The following C19orf84 variants were observed in gnomAD, a reference collection of about 807,000 sequenced individuals.
C19orf84 encodes piRNA-mediated silencing protein C19orf84.
Under a neutral mutation model 4.0 loss-of-function variants are expected in C19orf84, and 1 was observed. That is an observed-to-expected ratio of 0.25 (90% confidence interval 0.09 to 1.19). The LOEUF (loss-of-function observed/expected upper bound fraction) is 1.19. Ranked by LOEUF, C19orf84 falls within the 50% of genes most tolerant of loss-of-function variation. The pLI, the probability that C19orf84 is intolerant of heterozygous loss-of-function variation, is 0.50. For missense variants in C19orf84, 224 were observed against 246.8 expected, an observed-to-expected ratio of 0.91 and a Z score of 0.62; for synonymous variants, 123 against 109.6, an observed-to-expected ratio of 1.12 and a Z score of -0.76.
Position 51,390,482 on chromosome 19 carries a change from C to G in C19orf84, c.31G>C (p.Glu11Gln). The change falls in exon 1 of 2, where the codon GAA (glutamate) becomes CAA (glutamine). Residue 11 changes from glutamate to glutamine, a missense_variant. Physicochemically the swap from Glu to Gln is conservative, Grantham distance 29. Transcript: ENST00000574814. Reference protein sequence around the residue: MEQPKDGAGPEGNNLSLPSSG... With the variant: MEQPKDGAGPQGNNLSLPSSG... ...GGAGGTCTTTGTTTGTCTCACCCTT[C>G]AGGCCCAGCCCCGTCCTTTGGTTGT... 1 of 1,533,512 alleles carries G rather than the reference C, an allele frequency of 6.5e-7. No homozygotes were observed. Among genetic ancestry groups the G allele is most frequent in the Non-Finnish European group, 8.7e-7 (1 of 1,145,454 alleles). 95.0% of individuals were successfully genotyped at this position (1,533,512 alleles called of 1,614,324 possible).
chr19:51,390,230 G>A, intron 1 of C19orf84: 1 of 369,788 alleles, frequency 2.7e-6, no homozygotes, highest in Non-Finnish European at 4.8e-6. Flanking sequence ...ACCCGCCTCG[G>A]CCTCCCAAAG....
chr19:51,390,013 T>TCAAAACCAGTC (rs1446370921), intron 1 of C19orf84, among the ~76,000 whole-genome samples: 1 of 151,956 alleles, frequency 6.6e-6, no homozygotes, highest in East Asian at 1.9e-4. Context: ...GGTTTCACTC[T>TCAAAACCAGTC]TGTTGCCCAG....
Position 51,389,106 on chromosome 19 carries a change from G to A in C19orf84, c.439C>T (p.Pro147Ser). The A allele has an allele frequency of 1.3e-6, 2 of 1,535,950 alleles. No individual in the cohort carries two copies. The highest frequency in any genetic ancestry group is 1.7e-6 in the Non-Finnish European group (2 of 1,146,810). Residue 147 changes from proline (P) to serine (S), a missense_variant, in exon 2 of 2, where the codon CCA becomes TCA. By Grantham distance (74) the Pro-to-Ser change is moderately conservative. Coordinates refer to ENST00000574814, the MANE Select transcript of C19orf84 (RefSeq NM_001193623.2). The surrounding 1 kb of genome is among the most constrained non-coding windows in gnomAD (Gnocchi z 4.7). The part of the protein sequence containing the change: ...AGGPGAGPRT[P>S]PMTLPSPPTL... The stretch of plus-strand genomic sequence containing the variant: ...GGTGGTGATGGCAGTGTCATTGGTG[G>A]GGTCCTGGGGCCAGCCCCAGGGCCC...
rs2123680385 is a variant in C19orf84, at chr19:51,388,895, G to T, written c.*89C>A. 1.4e-6 allele frequency: 2 copies of T among 1,396,188 alleles called. No individual in the cohort carries two copies. Among genetic ancestry groups the T allele is most frequent in the South Asian group, 1.4e-5 (1 of 73,880 alleles). 86.5% of individuals were successfully genotyped at this position (1,396,188 alleles called of 1,614,324 possible). ...AGGGGAGGATGGAAGATGTTTCTTG[G>T]GGTTCTTCTGACAGGGCTGAGATCA... On this transcript the variant is annotated 3_prime_UTR_variant, in exon 2 of 2. Transcript: ENST00000574814.
Position 51,388,869 on chromosome 19 carries a change from GA to G in C19orf84, c.*114del. On this transcript the variant is annotated 3_prime_UTR_variant, in exon 2 of 2. Coordinates refer to ENST00000574814, the MANE Select transcript of C19orf84 (RefSeq NM_001193623.2). Reference sequence around the variant, plus strand: ...ACTCCTGGGATTGTGGTTTTGGGGAGAGGGGAGGATGGAAGATGTTTCTTGG... The same window carrying G: ...ACTCCTGGGATTGTGGTTTTGGGGAGGGGGAGGATGGAAGATGTTTCTTGG... The G allele has an allele frequency of 1.6e-6, 2 of 1,214,104 alleles. No individual in the cohort carries two copies. The highest frequency in any genetic ancestry group is 2.2e-6 in the Non-Finnish European group (2 of 890,244). 75.2% of individuals were successfully genotyped at this position (1,214,104 alleles called of 1,614,324 possible).
rs1223147780 is a variant in C19orf84 at position 51,389,422 on chromosome 19, T to C, written c.123A>G (p.Thr41=). 1.4e-6 allele frequency: 2 copies of C among 1,474,828 alleles called. No individual in the cohort carries two copies. Among genetic ancestry groups the C allele is most frequent in the East Asian group, 2.5e-5 (1 of 40,308 alleles). The allele number at this position is 1,474,828 out of a possible 1,614,324, so 91.4% of individuals were successfully genotyped here. ...CCGGGAGCCCCAGGTGGGTGGGGTCTGTGGAGTTCAGGAGCAAGGGTGGAG... is the reference window on the plus strand; with the variant it reads ...CCGGGAGCCCCAGGTGGGTGGGGTCCGTGGAGTTCAGGAGCAAGGGTGGAG... The part of the protein sequence containing the change: ...PAPPPLLLNS[T]DPTHLGLPES... Residue 41 remains threonine, a synonymous_variant, in exon 2 of 2, where the codon ACA becomes ACG. Transcript: ENST00000574814. This position sits in a 1 kb window ranked among gnomAD's most constrained non-coding sequence, Gnocchi z 4.7.
In C19orf84 at chr19:51,389,118, C is replaced by A. The variant is rs983143697; in HGVS notation, c.427G>T (p.Gly143Cys). Reference protein sequence around the residue: ...ERGRAGGPGAGPRTPPMTLPS... With the variant: ...ERGRAGGPGACPRTPPMTLPS... ...AGTGTCATTGGTGGGGTCCTGGGGC[C>A]AGCCCCAGGGCCCCCCGCCCGGCCC... The change falls in exon 2 of 2, where the codon GGC (glycine) becomes TGC (cysteine). Residue 143 changes from glycine (G) to cysteine (C), a missense_variant. Transcript: ENST00000574814. This position sits in a 1 kb window ranked among gnomAD's most constrained non-coding sequence, Gnocchi z 4.7. 72 of 1,535,710 alleles carry A rather than the reference C, an allele frequency of 4.7e-5. No individual in the cohort carries two copies. The highest frequency in any genetic ancestry group is 6.3e-5 in the Non-Finnish European group (72 of 1,146,750).
chr19:51,390,090 T>C (rs373775262), intron 1 of C19orf84, among the ~76,000 whole-genome samples: 1 of 152,222 alleles, frequency 6.6e-6, no homozygotes, highest in African/African-American at 2.4e-5. Context: ...GCGATTCTCC[T>C]GCCTCAGCCT....
Position 51,390,509 on chromosome 19 carries a change from C to T in C19orf84, c.4G>A (p.Glu2Lys). 6.5e-7 allele frequency: 1 copy of T among 1,533,154 alleles called. No homozygotes were observed. Among genetic ancestry groups the T allele is most frequent in the East Asian group, 2.5e-5 (1 of 40,646 alleles). 95.0% of individuals were successfully genotyped at this position (1,533,154 alleles called of 1,614,324 possible). ...GGCCCAGCCCCGTCCTTTGGTTGTT[C>T]CATCTCCACTGGGGCCCTCTTACGT... M[E>K]QPKDGAGPEG... Residue 2 changes from glutamate to lysine, a missense_variant, in exon 1 of 2, where the codon GAA becomes AAA. Glu to Lys is a moderately conservative substitution (Grantham distance 56). Coordinates refer to ENST00000574814, the MANE Select transcript of C19orf84 (RefSeq NM_001193623.2).
intron 1 of C19orf84, 29 bp downstream of exon 1, chr19:51,390,449 C>G (rs1229529562): frequency 6.5e-7 from 1 of 1,530,038 alleles, no homozygotes; most frequent in Admixed American, 2.0e-5. Context: ...GTCTCTGTCC[C>G]CCTCTCAGGA....
In C19orf84 at chr19:51,390,495, G is replaced by A. The variant is rs1431043653; in HGVS notation, c.18C>T (p.Asp6=). ...TGTCTCACCCTTCAGGCCCAGCCCC[G>A]TCCTTTGGTTGTTCCATCTCCACTG... The part of the protein sequence containing the change: MEQPK[D]GAGPEGNNLS... Residue 6 remains aspartate (D), a synonymous_variant, in exon 1 of 2, where the codon GAC becomes GAT. Transcript: ENST00000574814. The A allele has an allele frequency of 3.3e-6, 5 of 1,531,464 alleles. No individual in the cohort carries two copies. The highest frequency in any genetic ancestry group is 2.7e-5 in the African/African-American group (2 of 72,742). The allele number at this position is 1,531,464 out of a possible 1,614,324, so 94.9% of individuals were successfully genotyped here. A position where few individuals can be genotyped will look rare whatever the true frequency, so the allele number is the denominator to read the frequency against.
Position 51,389,491 on chromosome 19 carries a change from C to A in C19orf84, c.54G>T (p.Pro18=). 2 of 1,428,062 alleles carry A rather than the reference C, an allele frequency of 1.4e-6. No individual in the cohort carries two copies. Among genetic ancestry groups the A allele is most frequent in the Non-Finnish European group, 1.8e-6 (2 of 1,094,766 alleles). 88.5% of individuals were successfully genotyped at this position (1,428,062 alleles called of 1,614,324 possible). The part of the protein sequence containing the change: ...AGPEGNNLSL[P]SSGTEPWPPA... ...GGGGCCATGGCTCGGTCCCAGATGACGGCAGGGACAGGTTGTTCCTAGAAC... is the reference window on the plus strand; with the variant it reads ...GGGGCCATGGCTCGGTCCCAGATGAAGGCAGGGACAGGTTGTTCCTAGAAC... Residue 18 remains proline, a synonymous_variant, in exon 2 of 2, where the codon CCG becomes CCT. Coordinates refer to ENST00000574814, the MANE Select transcript of C19orf84 (RefSeq NM_001193623.2). This position sits in a 1 kb window ranked among gnomAD's most constrained non-coding sequence, Gnocchi z 4.7.
rs1987288912 is a variant in C19orf84, at chr19:51,390,585, G to C, written c.-73C>G. 1 of 1,475,216 alleles carries C rather than the reference G, an allele frequency of 6.8e-7. No individual in the cohort carries two copies. The highest frequency in any genetic ancestry group is 2.2e-5 in the Admixed American group (1 of 46,350). 91.4% of individuals were successfully genotyped at this position (1,475,216 alleles called of 1,614,324 possible). A position where few individuals can be genotyped will look rare whatever the true frequency, so the allele number is the denominator to read the frequency against. ...ATCCTTCGGGGGCCCGGGAAGGTTG[G>C]GGAGGGGCCGAGGCCGAGAGAGGCG... is the stretch of plus-strand genomic sequence containing the variant. On this transcript the variant is annotated 5_prime_UTR_variant, in exon 1 of 2. Coordinates refer to ENST00000574814, the MANE Select transcript of C19orf84 (RefSeq NM_001193623.2).
In C19orf84 at chr19:51,389,013, C is replaced by A. The variant is rs1987188854; in HGVS notation, c.532G>T (p.Ala178Ser). The change falls in exon 2 of 2, where the codon GCT (alanine) becomes TCT (serine). Residue 178 changes from alanine to serine, a missense_variant. Transcript: ENST00000574814. This position sits in a 1 kb window ranked among gnomAD's most constrained non-coding sequence, Gnocchi z 4.7. ...GPEPPLETPLAAEDWETEY is the reference protein window; with the variant it reads ...GPEPPLETPLSAEDWETEY ...TACTCTGTCTCCCAGTCCTCAGCAG[C>A]CAGTGGTGTTTCCAGGGGTGGCTCT... 1.3e-6 allele frequency: 2 copies of A among 1,535,954 alleles called. No individual in the cohort carries two copies. The highest frequency in any genetic ancestry group is 1.7e-6 in the Non-Finnish European group (2 of 1,146,874).
chr19:51,389,393 C>A lies in C19orf84; in HGVS notation c.152G>T (p.Ser51Ile), dbSNP rs1304065786. Residue 51 changes from serine to isoleucine, a missense_variant, in exon 2 of 2, where the codon AGC becomes ATC. Transcript: ENST00000574814. This position sits in a 1 kb window ranked among gnomAD's most constrained non-coding sequence, Gnocchi z 4.7. The part of the protein sequence containing the change: ...TDPTHLGLPE[S>I]VASVTVPIRL... ...TATGGGCACGGTGACAGAGGCCACGCTCTCCGGGAGCCCCAGGTGGGTGGG... is the reference window on the plus strand; with the variant it reads ...TATGGGCACGGTGACAGAGGCCACGATCTCCGGGAGCCCCAGGTGGGTGGG... 9 of 1,500,688 alleles carry A rather than the reference C, an allele frequency of 6.0e-6. No homozygotes were observed. 93.0% of individuals were successfully genotyped at this position (1,500,688 alleles called of 1,614,324 possible).
At position 51,389,174 on chromosome 19, in the gene C19orf84, C is replaced by T. The variant is rs758347275; in HGVS notation, c.371G>A (p.Arg124Gln). ...RPGWGRGLHR[R>Q]GLGRAEQPER... ...TGGCTGCTCAGCTCTCCCAAGGCCC[C>T]GTCGATGCAGGCCTCGGCCCCAGCC... The change falls in exon 2 of 2, where the codon CGG becomes CAG. Residue 124 changes from arginine to glutamine, a missense_variant. By Grantham distance (43) the Arg-to-Gln change is conservative. Coordinates refer to ENST00000574814, the MANE Select transcript of C19orf84 (RefSeq NM_001193623.2). This position sits in a 1 kb window ranked among gnomAD's most constrained non-coding sequence, Gnocchi z 4.7. 17 of 1,535,250 alleles carry T rather than the reference C, an allele frequency of 1.1e-5. No individual in the cohort carries two copies. The Admixed American group carries it at 2.6e-4, about 23-fold the overall frequency.
rs755751067 is a variant in C19orf84, at chr19:51,390,486, C to G, written c.27G>C (p.Gly9=). 7 of 1,533,802 alleles carry G rather than the reference C, an allele frequency of 4.6e-6. No individual in the cohort carries two copies. The highest frequency in any genetic ancestry group is 3.9e-5 in the Admixed American group (2 of 50,834). The change falls in exon 1 of 2, where the codon GGG becomes GGC. Residue 9 remains glycine, a synonymous_variant. Transcript: ENST00000574814. MEQPKDGA[G]PEGNNLSLPS... The stretch of plus-strand genomic sequence containing the variant: ...GTCTTTGTTTGTCTCACCCTTCAGG[C>G]CCAGCCCCGTCCTTTGGTTGTTCCA...
Position 51,388,687 on chromosome 19 carries a change from T to G in C19orf84, c.*297A>C. The G allele has an allele frequency of 2.3e-6, 1 of 431,702 alleles. No individual in the cohort carries two copies. The highest frequency in any genetic ancestry group is 4.2e-6 in the Non-Finnish European group (1 of 240,146). The allele number at this position is 431,702 out of a possible 1,614,324, so 26.7% of individuals were successfully genotyped here. On this transcript the variant is annotated 3_prime_UTR_variant, in exon 2 of 2. Coordinates refer to ENST00000574814, the MANE Select transcript of C19orf84 (RefSeq NM_001193623.2). Reference sequence around the variant, plus strand: ...ATGGGGTTGGAGGAGCCCTGGGGGTTGAGAATGAGGTAAGGATTGTGGTTG... The same window carrying G: ...ATGGGGTTGGAGGAGCCCTGGGGGTGGAGAATGAGGTAAGGATTGTGGTTG...
Position 51,389,462 on chromosome 19 carries a change from G to T in C19orf84, c.83C>A (p.Ala28Glu), listed in dbSNP as rs138789099. The T allele has an allele frequency of 2.1e-6, 3 of 1,439,744 alleles. No homozygotes were observed. Among genetic ancestry groups the T allele is most frequent in the Non-Finnish European group, 2.7e-6 (3 of 1,100,668 alleles). The allele number at this position is 1,439,744 out of a possible 1,614,324, so 89.2% of individuals were successfully genotyped here. Residue 28 changes from alanine (A) to glutamate (E), a missense_variant, in exon 2 of 2, where the codon GCG (alanine) becomes GAG (glutamate). By Grantham distance (107) the Ala-to-Glu change is moderately radical. Coordinates refer to ENST00000574814, the MANE Select transcript of C19orf84 (RefSeq NM_001193623.2). This position sits in a 1 kb window ranked among gnomAD's most constrained non-coding sequence, Gnocchi z 4.7. Reference sequence around the variant, plus strand: ...CAAGGGTGGAGGGGCTGGGAGAGGCGCAGGGGGCCATGGCTCGGTCCCAGA... The same window carrying T: ...CAAGGGTGGAGGGGCTGGGAGAGGCTCAGGGGGCCATGGCTCGGTCCCAGA... ...PSSGTEPWPP[A>E]PLPAPPPLLL... is the part of the protein sequence containing the mutation.
Sources: allele counts gnomAD v4.1 joint callset (sites outside exome capture counted in the v4.1 genomes callset), GRCh38; gene constraint gnomAD v4.1.1; non-coding constraint Gnocchi (gnomAD v3.1); transcripts MANE v1.5; gene names NCBI Gene and HGNC (gene_info 2026-07-23, HGNC 2026-07-21).